Variants in RBFOX1 observed in about 807,000 individuals in gnomAD.
RBFOX1 encodes the protein RNA binding protein fox-1 homolog 1.
In RBFOX1, 8 loss-of-function variants were observed where a neutral mutation model predicts 57.7. The ratio of observed to expected loss-of-function variants is 0.14; its 90% CI spans 0.08 to 0.25. RBFOX1 has a LOEUF of 0.25. Ranked by LOEUF, RBFOX1 falls within the 10% of genes least tolerant of loss-of-function variation. The pLI, the probability that RBFOX1 is intolerant of heterozygous loss-of-function variation, is 1.00. For missense variants in RBFOX1, 611 were observed against 548.5 expected, an observed-to-expected ratio of 1.11 and a Z score of -1.14; for synonymous variants, 326 against 222.4, an observed-to-expected ratio of 1.47 and a Z score of -4.15.
intron 9 of RBFOX1, among the ~76,000 whole-genome samples, chr16:7,599,569 G>T (rs954923996): frequency 2.0e-5 from 3 of 150,626 alleles, no homozygotes; most frequent in Admixed American, 2.0e-4. Context: ...GTCCTATAAA[G>T]AGGACATCAT....
At chr16:7,659,114 C>T (rs1468344416) in intron 12 of RBFOX1, among the ~76,000 whole-genome samples, 1 of 152,200 alleles carries the variant, frequency 6.6e-6, no homozygotes, top group African/African-American at 2.4e-5. Flanking sequence ...GTAAGATTTT[C>T]TGCCCTTTCT....
intron 2 of RBFOX1, among the ~76,000 whole-genome samples, chr16:5,493,237 T>C (rs1010984104): frequency 1.3e-5 from 2 of 152,236 alleles, no homozygotes; most frequent in African/African-American, 4.8e-5. Context: ...ATTTTTGTTA[T>C]TATTTCTTAC....
At chr16:5,860,775 A>G (rs980163450) in intron 3 of RBFOX1, among the ~76,000 whole-genome samples, 3 of 152,176 alleles carry the variant, frequency 2.0e-5, no homozygotes, top group African/African-American at 7.2e-5. Context: ...CCTTCTCCAC[A>G]ACATCATGAA....
chr16:7,500,231 G>A (rs2070265720), intron 4 of RBFOX1, among the ~76,000 whole-genome samples: 1 of 152,284 alleles, frequency 6.6e-6, no homozygotes. Context: ...CCTCATATTG[G>A]GAAAGAGTCA....
At chr16:7,240,524 G>A (rs748853310) in intron 4 of RBFOX1, among the ~76,000 whole-genome samples, 2 of 151,920 alleles carry the variant, frequency 1.3e-5, no homozygotes, top group Non-Finnish European at 2.9e-5. Flanking sequence ...AAATACTGGG[G>A]TTTTCGTGGT....
At chr16:6,966,781 A>ATCTG (rs1214517275) in intron 3 of RBFOX1, among the ~76,000 whole-genome samples, 64 of 59,848 alleles carry the variant, frequency 1.1e-3, no homozygotes, top group African/African-American at 2.5e-3. Flanking sequence ...CTATCTATCT[A>ATCTG]TCTATCTATC....
intron 2 of RBFOX1, among the ~76,000 whole-genome samples, chr16:6,592,177 C>A (rs761369342): frequency 6.6e-6 from 1 of 152,160 alleles, no homozygotes; most frequent in African/African-American, 2.4e-5. Context: ...CCTCCTTTAA[C>A]GTCTCTGCAA....
chr16:5,531,219 C>T (rs2044465421), intron 2 of RBFOX1, among the ~76,000 whole-genome samples: 1 of 152,078 alleles, frequency 6.6e-6, no homozygotes. Context: ...GTTCGTCAGC[C>T]CACCTCAGGC....
rs191578706 is a variant in RBFOX1 at position 6,565,339 on chromosome 16, C to G, written c.-63-89264C>G. On this transcript the variant is annotated intron_variant, in intron 2 of 15. Coordinates refer to ENST00000550418, the MANE Select transcript of RBFOX1 (RefSeq NM_018723.4). ...TGGCGCGATCTTGGCTCACTGCAAC[C>G]TCCATCTCCCAGATTCAAGCTGATT... 2.5e-3 allele frequency among the ~76,000 whole-genome samples: 384 copies of G among 152,176 alleles called. 1 individual carries two copies. Among genetic ancestry groups the G allele is most frequent in the African/African-American group, 8.6e-3 (358 of 41,536 alleles).
At chr16:5,364,912 G>A (rs1016196810) in intron 1 of RBFOX1, among the ~76,000 whole-genome samples, 3 of 152,118 alleles carry the variant, frequency 2.0e-5, no homozygotes, top group East Asian at 1.9e-4. Flanking sequence ...ATGATGTCAC[G>A]CTGGACAGTA....
chr16:5,837,988 G>A (rs1262701726), intron 3 of RBFOX1: 2 of 152,234 alleles, frequency 1.3e-5, no homozygotes, highest in Non-Finnish European at 2.9e-5. Context: ...GATGTCTGTG[G>A]ACTCCAGTTC....
At position 7,273,408 on chromosome 16, in the gene RBFOX1, C is replaced by T. The variant is rs1306076093; in HGVS notation, c.27+221310C>T. ...GATATTCTGGATAATGGCTTGGTGC[C>T]TTTCTAGCTTCTAATCTAAACAAGA... On this transcript the variant is annotated intron_variant, in intron 4 of 15. Transcript: ENST00000550418. Among the ~76,000 whole-genome samples, 3 of 152,160 alleles carry T rather than the reference C, an allele frequency of 2.0e-5. No homozygotes were observed. The South Asian group carries it at 6.2e-4, about 32-fold the overall frequency.
intron 5 of RBFOX1, among the ~76,000 whole-genome samples, chr16:7,523,716 A>C (rs2078021403): frequency 1.3e-5 from 2 of 152,164 alleles, no homozygotes; most frequent in Admixed American, 1.3e-4. Context: ...GTATTGGGTA[A>C]GTGCGGGAAT....
At chr16:7,088,654 A>C (rs2060347135) in intron 4 of RBFOX1, among the ~76,000 whole-genome samples, 1 of 152,170 alleles carries the variant, frequency 6.6e-6, no homozygotes, top group Admixed American at 6.5e-5. Flanking sequence ...ATCTAGCATG[A>C]ATGGTTTAGA....
At chr16:7,365,161 G>A (rs1280302036) in intron 4 of RBFOX1, among the ~76,000 whole-genome samples, 8 of 152,092 alleles carry the variant, frequency 5.3e-5, no homozygotes, top group East Asian at 3.9e-4. Flanking sequence ...CTACTGTCAC[G>A]ATCATGGGAG....
At chr16:6,960,309 ACG>A (rs2082691447) in intron 3 of RBFOX1, among the ~76,000 whole-genome samples, 1 of 152,148 alleles carries the variant, frequency 6.6e-6, no homozygotes, top group Non-Finnish European at 1.5e-5. Flanking sequence ...TTAATCACTT[ACG>A]TCTTTAGACG....
chr16:7,257,147 C>A (rs1413512658), intron 4 of RBFOX1, among the ~76,000 whole-genome samples: 2 of 152,142 alleles, frequency 1.3e-5, no homozygotes, highest in African/African-American at 4.8e-5. Flanking sequence ...CTTCGGAAAA[C>A]CCTTTCCGGT....
At chr16:6,908,351 T>C (rs997921759) in intron 3 of RBFOX1, among the ~76,000 whole-genome samples, 9 of 146,824 alleles carry the variant, frequency 6.1e-5, no homozygotes, top group Non-Finnish European at 1.1e-4. Flanking sequence ...TACTCTGCCT[T>C]TGCACCCTTC....
At chr16:7,257,014 C>A (rs546802363) in intron 4 of RBFOX1, among the ~76,000 whole-genome samples, 1 of 152,160 alleles carries the variant, frequency 6.6e-6, no homozygotes, top group African/African-American at 2.4e-5. Flanking sequence ...TCTCCTCTCC[C>A]CCTCTGATCC....
Sources: gnomAD v4.1 joint callset for allele counts (sites outside exome capture counted in the v4.1 genomes callset) on GRCh38, gnomAD v4.1.1 for gene constraint, MANE v1.5 for transcripts, NCBI Gene and HGNC (gene_info 2026-07-23, HGNC 2026-07-21) for gene names.